Variants in EPHB2 observed in about 807,000 individuals in gnomAD.
The protein encoded by EPHB2 is ephrin type-B receptor 2.
EPHB2 carries 18 observed loss-of-function variants against 96.4 expected under a neutral mutation model. That is an observed-to-expected ratio of 0.19 (90% CI 0.13 to 0.28). The LOEUF (loss-of-function observed/expected upper bound fraction) is 0.28, where lower values mean the gene tolerates loss of function less well. EPHB2 is among the 10% of genes least tolerant of loss of function. EPHB2 has a pLI of 1.00. For missense variants in EPHB2, 989 were observed against 1,355.4 expected, an observed-to-expected ratio of 0.73 and a Z score of 4.25; for synonymous variants, 506 against 534.1, an observed-to-expected ratio of 0.95 and a Z score of 0.72.
chr1:22,818,595 C>T (rs1034880785), intron 3 of EPHB2, among the ~76,000 whole-genome samples: 2 of 152,144 alleles, frequency 1.3e-5, no homozygotes, highest in Non-Finnish European at 2.9e-5. Context: ...AAGCCTGACA[C>T]CCTCCGGCCC....
chr1:22,895,431 C>T, intron 7 of EPHB2, 41 bp from the exon 8 acceptor site: 1 of 1,601,452 alleles, frequency 6.2e-7, no homozygotes, highest in Non-Finnish European at 8.6e-7. Flanking sequence ...TTACGACTCC[C>T]ACAGCCAGGC....
At position 22,895,975 on chromosome 1, in the gene EPHB2, G is replaced by A. The variant is rs367955393; in HGVS notation, c.1700+395G>A. Among the ~76,000 whole-genome samples the A allele has an allele frequency of 3.9e-5, 6 of 152,218 alleles. No homozygotes were observed. In the East Asian group the frequency reaches 5.8e-4, roughly 15 times the overall value. ...GACAGGGAGGACTTAGGAGGAGGAG[G>A]GGGGAGGGACCTCCCAAGTGGCTAG... On this transcript the variant is annotated intron_variant, in intron 8 of 15. Transcript: ENST00000374630.
chr1:22,787,557 C>T (rs1004669987), intron 3 of EPHB2, among the ~76,000 whole-genome samples: 1 of 152,080 alleles, frequency 6.6e-6, no homozygotes. Flanking sequence ...TCAGACCAAC[C>T]TGGGCAACAT....
intron 1 of EPHB2, among the ~76,000 whole-genome samples, chr1:22,777,210 G>A (rs1019014989): frequency 6.6e-5 from 10 of 152,166 alleles, no homozygotes; most frequent in African/African-American, 1.2e-4. Context: ...TTGTCTGTGC[G>A]GAGTGAGACG....
At position 22,864,869 on chromosome 1, in the gene EPHB2, C is replaced by T. The variant is rs763411615; in HGVS notation, c.968-8C>T. ...CCCCCACTGACCAACACCTCTCCCC[C>T]GCCCCAGCCATCCCCTCCGCGCCCC... On this transcript the variant is annotated splice_polypyrimidine_tract_variant and splice_region_variant and intron_variant, in intron 4 of 15. Transcript: ENST00000374630. 6 of 1,597,628 alleles carry T rather than the reference C, an allele frequency of 3.8e-6. No homozygotes were observed. The highest frequency in any genetic ancestry group is 3.4e-5 in the Admixed American group (2 of 59,222).
intron 1 of EPHB2, among the ~76,000 whole-genome samples, chr1:22,736,265 G>A (rs1643825152): frequency 6.6e-6 from 1 of 152,210 alleles, no homozygotes; most frequent in Non-Finnish European, 1.5e-5. Context: ...AGGGGATTGG[G>A]CGAGGAGTGA....
intron 9 of EPHB2, among the ~76,000 whole-genome samples, chr1:22,898,587 A>G (rs570944348): frequency 7.0e-4 from 106 of 152,274 alleles, no homozygotes; most frequent in African/African-American, 2.2e-3. Flanking sequence ...AGCTGCTGGA[A>G]GGTTCTGAGC....
chr1:22,817,449 GA>G (rs1200437711), intron 3 of EPHB2, among the ~76,000 whole-genome samples: 3 of 152,220 alleles, frequency 2.0e-5, no homozygotes, highest in Non-Finnish European at 4.4e-5. Context: ...CTGCTGCTGG[GA>G]TAGTCTGCTG....
At chr1:22,883,114 G>C (rs1639104589) in intron 6 of EPHB2, among the ~76,000 whole-genome samples, 1 of 152,220 alleles carries the variant, frequency 6.6e-6, no homozygotes, top group Non-Finnish European at 1.5e-5. Context: ...ATGTGACCTT[G>C]GGCAGGCGTC....
intron 1 of EPHB2, among the ~76,000 whole-genome samples, chr1:22,767,521 G>C (rs772944354): frequency 5.3e-5 from 8 of 152,202 alleles, no homozygotes; most frequent in Non-Finnish European, 8.8e-5. Flanking sequence ...TCCCTTGAAG[G>C]GTTTTGGAAA....
intron 9 of EPHB2, among the ~76,000 whole-genome samples, chr1:22,903,240 C>T (rs1639805800): frequency 6.6e-6 from 1 of 152,222 alleles, no homozygotes; most frequent in Non-Finnish European, 1.5e-5. Flanking sequence ...CTCTTACCTC[C>T]CTGAGTCAAC....
intron 1 of EPHB2, among the ~76,000 whole-genome samples, chr1:22,727,975 T>C (rs929802394): frequency 6.6e-6 from 1 of 152,006 alleles, no homozygotes; most frequent in Admixed American, 6.6e-5. Context: ...CATCTGCCTC[T>C]AGCCCTCTTG....
chr1:22,713,411 G>A (rs1344120450), intron 1 of EPHB2, among the ~76,000 whole-genome samples: 1 of 152,236 alleles, frequency 6.6e-6, no homozygotes, highest in East Asian at 1.9e-4. Context: ...CATCGTCTAC[G>A]CCCTACTTCC....
intron 3 of EPHB2, among the ~76,000 whole-genome samples, chr1:22,857,608 T>C (rs1465566852): frequency 6.6e-6 from 1 of 151,992 alleles, no homozygotes; most frequent in Non-Finnish European, 1.5e-5. Context: ...ACCGAGATGC[T>C]TTGGTCAGTA....
chr1:22,895,536 G>C lies in EPHB2; in HGVS notation c.1656G>C (p.Leu552=). ...TCATCGGCTCCTCGGCCGCTGGCCTGGTCTTCCTCATTGCTGTGGTTGTCA... is the reference window on the plus strand; with the variant it reads ...TCATCGGCTCCTCGGCCGCTGGCCTCGTCTTCCTCATTGCTGTGGTTGTCA... ...PLIIGSSAAG[L]VFLIAVVVIA... is the part of the protein sequence containing the mutation. Residue 552 remains leucine, a synonymous_variant, in exon 8 of 16, where the codon CTG becomes CTC. Coordinates refer to ENST00000374630, the MANE Select transcript of EPHB2 (RefSeq NM_017449.5). 2 of 1,614,260 alleles carry C rather than the reference G, an allele frequency of 1.2e-6. No homozygotes were observed. Among genetic ancestry groups the C allele is most frequent in the South Asian group, 2.2e-5 (2 of 91,090 alleles).
At chr1:22,795,465 C>CGTTTT (rs71982185) in intron 3 of EPHB2, among the ~76,000 whole-genome samples, 679 of 11,886 alleles carry the variant, frequency 0.057, 5 homozygotes, top group African/African-American at 0.088. Flanking sequence ...AACTGGTTTC[C>CGTTTT]GTTTTGTTTT....
At chr1:22,812,408 T>C (rs1238820130) in intron 3 of EPHB2, among the ~76,000 whole-genome samples, 2 of 151,942 alleles carry the variant, frequency 1.3e-5, no homozygotes, top group Non-Finnish European at 2.9e-5. Flanking sequence ...AGAAAATTAA[T>C]AAGAAACGGA....
At chr1:22,889,226 T>C (rs1639317924) in intron 6 of EPHB2, among the ~76,000 whole-genome samples, 1 of 152,160 alleles carries the variant, frequency 6.6e-6, no homozygotes, top group African/African-American at 2.4e-5. Context: ...CCAGCTTTAA[T>C]GAAGGGAGCT....
At chr1:22,837,230 G>A (rs1226599043) in intron 3 of EPHB2, among the ~76,000 whole-genome samples, 4 of 152,184 alleles carry the variant, frequency 2.6e-5, no homozygotes, top group African/African-American at 9.7e-5. Flanking sequence ...GCCTGAAGGG[G>A]GGAAGCCATT....
Sources: gnomAD v4.1 joint callset for allele counts (sites outside exome capture counted in the v4.1 genomes callset) on GRCh38, gnomAD v4.1.1 for gene constraint, MANE v1.5 for transcripts, NCBI Gene and HGNC (gene_info 2026-07-23, HGNC 2026-07-21) for gene names.